The following TTPAL variants were observed in gnomAD, a reference collection of about 807,000 sequenced individuals.
TTPAL encodes alpha tocopherol transfer protein like.
TTPAL carries 21 observed loss-of-function variants against 28.7 expected under a neutral mutation model. The ratio of observed to expected loss-of-function variants is 0.73; its 90% CI spans 0.52 to 1.06. The LOEUF is 1.06. Among genes scored for constraint, TTPAL ranks in the 50% least tolerant of loss-of-function variants. The probability of loss-of-function intolerance (pLI) is 0.00; values close to 1 mark genes in which losing one functional copy is unlikely to be tolerated. For missense variants in TTPAL, 345 were observed against 425.5 expected, an observed-to-expected ratio of 0.81 and a Z score of 1.67; for synonymous variants, 169 against 171.9, an observed-to-expected ratio of 0.98 and a Z score of 0.13.
chr20:44,476,347 G>A (rs2064043096), intron 1 of TTPAL, among the ~76,000 whole-genome samples: 2 of 152,244 alleles, frequency 1.3e-5, no homozygotes, highest in Admixed American at 6.5e-5. Context: ...TCACCAGCCT[G>A]TGACTGAGTC....
rs745537632 is a variant in TTPAL, at chr20:44,480,112, AC to A, written c.115del (p.Leu39TrpfsTer34). ...GGCTATGTGTGCTCACTGACAGAAG[AC>A]CTGGTCACCAAAGCCCGGGAAGAGC... ...PPGYVCSLTE[D>X]LVTKAREELQ... On this transcript the variant is annotated frameshift_variant, in exon 2 of 5. Coordinates refer to ENST00000262605, the MANE Select transcript of TTPAL (RefSeq NM_001039199.3). LOFTEE classifies it high-confidence loss of function. The surrounding 1 kb of genome is among the most constrained non-coding windows in gnomAD (Gnocchi z 4.1). 1.2e-6 allele frequency: 2 copies of A among 1,613,998 alleles called. No individual in the cohort carries two copies. Among genetic ancestry groups the A allele is most frequent in the African/African-American group, 2.7e-5 (2 of 74,890 alleles).
chr20:44,479,081 G>A (rs1296681232), intron 1 of TTPAL, among the ~76,000 whole-genome samples: 3 of 152,120 alleles, frequency 2.0e-5, no homozygotes, highest in East Asian at 1.9e-4. Context: ...GAGCCACCGC[G>A]CCCGGCCCCC....
At position 44,489,402 on chromosome 20, in the gene TTPAL, T is replaced by G; in HGVS notation, c.890T>G (p.Phe297Cys). The change falls in exon 5 of 5, where the codon TTT (phenylalanine) becomes TGT (cysteine). Residue 297 changes from phenylalanine to cysteine, a missense_variant. Physicochemically the swap from Phe to Cys is radical, Grantham distance 205 (BLOSUM62 -2). Coordinates refer to ENST00000262605, the MANE Select transcript of TTPAL (RefSeq NM_001039199.3). ...GTACTGCTGGCTTCAGAAGACGATT[T>G]TGTGAAAGAGTTCTGCCAACCTGTT... is the stretch of plus-strand genomic sequence containing the variant. Reference protein sequence around the residue: ...NAVLLASEDDFVKEFCQPVPA... With the variant: ...NAVLLASEDDCVKEFCQPVPA... 1 of 1,614,124 alleles carries G rather than the reference T, an allele frequency of 6.2e-7. No homozygotes were observed.
rs1017262062 is a variant in TTPAL at position 44,480,501 on chromosome 20, T to C, written c.445+57T>C. 6 of 1,471,982 alleles carry C rather than the reference T, an allele frequency of 4.1e-6. No homozygotes were observed. Among genetic ancestry groups the C allele is most frequent in the Non-Finnish European group, 4.6e-6 (5 of 1,096,228 alleles). The allele number at this position is 1,471,982 out of a possible 1,614,324, so 91.2% of individuals were successfully genotyped here. On this transcript the variant is annotated intron_variant, in intron 2 of 4. Coordinates refer to ENST00000262605, the MANE Select transcript of TTPAL (RefSeq NM_001039199.3). The surrounding 1 kb of genome is among the most constrained non-coding windows in gnomAD (Gnocchi z 4.1). ...GTCCAGTCCTTCTGCAGTGTGTCCATTCAGCACCCTGTCCTCCTTTCCAAG... is the reference window on the plus strand; with the variant it reads ...GTCCAGTCCTTCTGCAGTGTGTCCACTCAGCACCCTGTCCTCCTTTCCAAG...
intron 1 of TTPAL, among the ~76,000 whole-genome samples, chr20:44,479,310 A>G (rs1342119356): frequency 2.6e-5 from 4 of 152,048 alleles, no homozygotes; most frequent in Admixed American, 2.6e-4. Flanking sequence ...GATATTGACA[A>G]ATGCCCTCCA....
At chr20:44,479,726 A>G (rs2064083625) in intron 1 of TTPAL, among the ~76,000 whole-genome samples, 1 of 152,164 alleles carries the variant, frequency 6.6e-6, no homozygotes, top group Non-Finnish European at 1.5e-5. Context: ...CTATTAATAC[A>G]TTTATAAGGA....
In TTPAL at chr20:44,489,260, T is replaced by C; in HGVS notation, c.751-3T>C. ...TGTGTGTTTTCATTTCATTCCCTTT[T>C]AGTTCTTCCTCCATGGGTCTGACTT... On this transcript the variant is annotated splice_polypyrimidine_tract_variant and splice_region_variant and intron_variant, in intron 4 of 4. Transcript: ENST00000262605. 1 of 1,610,926 alleles carries C rather than the reference T, an allele frequency of 6.2e-7. No homozygotes were observed. The highest frequency in any genetic ancestry group is 8.5e-7 in the Non-Finnish European group (1 of 1,177,384).
At chr20:44,485,277 G>C (rs1241857058) in intron 3 of TTPAL, among the ~76,000 whole-genome samples, 1 of 152,134 alleles carries the variant, frequency 6.6e-6, no homozygotes, top group African/African-American at 2.4e-5. Flanking sequence ...AGTCACTGGG[G>C]ACTGTGGTGC....
Position 44,484,260 on chromosome 20 carries a change from G to A in TTPAL, c.446-77G>A, listed in dbSNP as rs916133634. The A allele has an allele frequency of 6.9e-6, 7 of 1,010,734 alleles. No homozygotes were observed. In the East Asian group the frequency reaches 1.8e-4, roughly 26 times the overall value. 62.6% of individuals were successfully genotyped at this position (1,010,734 alleles called of 1,614,324 possible). A position where few individuals can be genotyped will look rare whatever the true frequency, so the allele number is the denominator to read the frequency against. On this transcript the variant is annotated intron_variant, in intron 2 of 4. Transcript: ENST00000262605. ...TTTCCATTTTGAAACAACAGTGATA[G>A]AAAGGAGATAAATCTTTGTTTGACC...
Position 44,480,085 on chromosome 20 carries a change from C to A in TTPAL, c.86C>A (p.Pro29Gln), listed in dbSNP as rs778082516. 1 of 1,614,076 alleles carries A rather than the reference C, an allele frequency of 6.2e-7. No homozygotes were observed. The highest frequency in any genetic ancestry group is 8.5e-7 in the Non-Finnish European group (1 of 1,180,046). ...GAGCTGCCACCACCACCTGAGCCTC[C>A]GGGCTATGTGTGCTCACTGACAGAA... is the stretch of plus-strand genomic sequence containing the variant. ...ENELPPPPEP[P>Q]GYVCSLTEDL... The change falls in exon 2 of 5, where the codon CCG becomes CAG. Residue 29 changes from proline (P) to glutamine (Q), a missense_variant. Pro to Gln is a moderately conservative substitution (Grantham distance 76). Coordinates refer to ENST00000262605, the MANE Select transcript of TTPAL (RefSeq NM_001039199.3). The surrounding 1 kb of genome is among the most constrained non-coding windows in gnomAD (Gnocchi z 4.1).
chr20:44,488,083 G>GT (rs2064169222), intron 4 of TTPAL, among the ~76,000 whole-genome samples: 1 of 152,156 alleles, frequency 6.6e-6, no homozygotes, highest in Non-Finnish European at 1.5e-5. Context: ...CTTTTTCAAA[G>GT]TAACATATAT....
intron 4 of TTPAL, among the ~76,000 whole-genome samples, chr20:44,488,828 A>G (rs562432664): frequency 6.6e-6 from 1 of 152,286 alleles, no homozygotes; most frequent in East Asian, 1.9e-4. Flanking sequence ...TAATGAGGCT[A>G]GATTATGATG....
chr20:44,484,335 A>G lies in TTPAL; in HGVS notation c.446-2A>G. On this transcript the variant is annotated splice_acceptor_variant, in intron 2 of 4. Transcript: ENST00000262605. LOFTEE classifies it high-confidence loss of function. ...CATACTGTCAATCTCTTATGACCTT[A>G]GACAGATGGATACCAAGCAACTATC... is the stretch of plus-strand genomic sequence containing the variant. The G allele has an allele frequency of 6.4e-7, 1 of 1,563,802 alleles. No homozygotes were observed. Among genetic ancestry groups the G allele is most frequent in the Non-Finnish European group, 8.8e-7 (1 of 1,141,122 alleles).
chr20:44,479,846 C>T, intron 1 of TTPAL, 139 bp from the exon 2 acceptor site: 1 of 723,316 alleles, frequency 1.4e-6, no homozygotes, highest in Non-Finnish European at 2.2e-6. Flanking sequence ...GGTTTAGATC[C>T]AGTTCATTGC....
At chr20:44,489,194 C>T in intron 4 of TTPAL, 69 bp from the exon 5 acceptor site, 7 of 1,507,888 alleles carry the variant, frequency 4.6e-6, no homozygotes, top group Non-Finnish European at 5.4e-6. Context: ...TGAGCACCTA[C>T]CATGGAGGAG....
intron 2 of TTPAL, among the ~76,000 whole-genome samples, chr20:44,481,183 G>A (rs370804543): frequency 6.6e-5 from 10 of 152,144 alleles, no homozygotes; most frequent in Non-Finnish European, 1.5e-4. Context: ...GCAGTGATTA[G>A]GATACCTTAC....
At chr20:44,479,043 C>T (rs2122765997) in intron 1 of TTPAL, among the ~76,000 whole-genome samples, 1 of 152,318 alleles carries the variant, frequency 6.6e-6, no homozygotes, top group Admixed American at 6.5e-5. Context: ...CCTGCCTCGG[C>T]CTCCCAAAAT....
At position 44,475,996 on chromosome 20, in the gene TTPAL, G is replaced by A. The variant is rs1251865754; in HGVS notation, c.-16+5G>A. 2 of 152,384 alleles carry A rather than the reference G, an allele frequency of 1.3e-5. No homozygotes were observed. Among genetic ancestry groups the A allele is most frequent in the African/African-American group, 4.8e-5 (2 of 41,476 alleles). The allele number at this position is 152,384 out of a possible 1,614,324, so 9.4% of individuals were successfully genotyped here. ...GCTCCGCCCGTAGTCGGGCCGGTGA[G>A]TGCCCGCGAGCCCATCCGTGTGCCC... On this transcript the variant is annotated splice_donor_5th_base_variant and intron_variant, in intron 1 of 4. Transcript: ENST00000262605.
chr20:44,476,335 AT>A (rs1388399466), intron 1 of TTPAL, among the ~76,000 whole-genome samples: 4 of 152,196 alleles, frequency 2.6e-5, no homozygotes, highest in Non-Finnish European at 5.9e-5. Context: ...CTGTCAGCTC[AT>A]TCACCAGCCT....
Sources: allele counts gnomAD v4.1 joint callset (sites outside exome capture counted in the v4.1 genomes callset), GRCh38; gene constraint gnomAD v4.1.1; non-coding constraint Gnocchi (gnomAD v3.1); transcripts MANE v1.5; gene names NCBI Gene and HGNC (gene_info 2026-07-23, HGNC 2026-07-21).